Variants in TBC1D30 observed in about 807,000 individuals in gnomAD.
TBC1D30 encodes the protein TBC1 domain family, member 30.
Under a neutral mutation model 63.2 loss-of-function variants are expected in TBC1D30, and 31 were observed. The observed-to-expected ratio is 0.49, with a 90% confidence interval of 0.37 to 0.66. The LOEUF (loss-of-function observed/expected upper bound fraction) is 0.66, where lower values mean the gene tolerates loss of function less well. TBC1D30 is among the 30% of genes least tolerant of loss of function. TBC1D30 has a pLI of 0.00. For synonymous variants in TBC1D30, 307 were observed against 361.5 expected (o/e 0.85, Z 1.71); for missense variants, 810 against 953.6 (o/e 0.85, Z 1.98).
At chr12:64,863,775 C>G (rs1877986665) in intron 8 of TBC1D30, among the ~76,000 whole-genome samples, 1 of 152,174 alleles carries the variant, frequency 6.6e-6, no homozygotes, top group African/African-American at 2.4e-5. Flanking sequence ...TAGACATCTT[C>G]TAAGCCTTCA....
intron 8 of TBC1D30, among the ~76,000 whole-genome samples, chr12:64,848,495 G>A (rs1268628695): frequency 1.3e-5 from 2 of 151,946 alleles, no homozygotes; most frequent in Non-Finnish European, 2.9e-5. Flanking sequence ...TCATTGTTCA[G>A]CTCCCACTTA....
At chr12:64,871,408 G>C (rs1878646637) in intron 11 of TBC1D30, among the ~76,000 whole-genome samples, 1 of 152,060 alleles carries the variant, frequency 6.6e-6, no homozygotes, top group African/African-American at 2.4e-5. Flanking sequence ...CTGCTTTATT[G>C]TTTAATATAT....
At chr12:64,825,111 C>G in intron 1 of TBC1D30, 78 bp downstream of exon 1, 2 of 1,457,036 alleles carry the variant, frequency 1.4e-6, no homozygotes, top group Non-Finnish European at 1.8e-6. Context: ...AGCCTGACTC[C>G]GTCTAGGCCG....
At chr12:64,865,386 T>A (rs1316111154) in intron 9 of TBC1D30, among the ~76,000 whole-genome samples, 1 of 151,444 alleles carries the variant, frequency 6.6e-6, no homozygotes, top group Non-Finnish European at 1.5e-5. Flanking sequence ...ACTCAAAATT[T>A]AAAAAAAGGG....
intron 9 of TBC1D30, among the ~76,000 whole-genome samples, chr12:64,866,500 G>A (rs767273647): frequency 1.4e-4 from 22 of 151,778 alleles, no homozygotes; most frequent in Admixed American, 3.3e-4. Context: ...ATGCAGTGAC[G>A]TGATTTGGCT....
chr12:64,871,760 T>C (rs895034673), intron 11 of TBC1D30, among the ~76,000 whole-genome samples: 1 of 152,226 alleles, frequency 6.6e-6, no homozygotes, highest in Non-Finnish European at 1.5e-5. Context: ...TTCTTCCAAA[T>C]AGTGAGGAAA....
intron 2 of TBC1D30, among the ~76,000 whole-genome samples, chr12:64,806,428 A>T (rs76745796): frequency 9.5e-4 from 144 of 152,320 alleles, no homozygotes; most frequent in African/African-American, 3.2e-3. Context: ...CATTTTACAG[A>T]TGAGGAGATT....
chr12:64,805,701 C>T (rs562295243), intron 2 of TBC1D30, among the ~76,000 whole-genome samples: 2 of 151,922 alleles, frequency 1.3e-5, no homozygotes, highest in African/African-American at 2.4e-5. Flanking sequence ...GGCGTGGTGG[C>T]GGGCACCTGT....
chr12:64,770,250 T>C (rs1056014584), intron 1 of TBC1D30, among the ~76,000 whole-genome samples: 1 of 152,136 alleles, frequency 6.6e-6, no homozygotes, highest in East Asian at 1.9e-4. Flanking sequence ...TTCCCTGATA[T>C]GGTTTATTAC....
At chr12:64,777,703 A>G (rs888373082), upstream of TBC1D30, among the ~76,000 whole-genome samples, 11 of 152,256 alleles carry the variant, frequency 7.2e-5, no homozygotes, top group South Asian at 2.1e-4. Context: ...TATAGATTCA[A>G]TGCTTTTCCC....
At position 64,878,391 on chromosome 12, in the gene TBC1D30, T is replaced by A. The variant is rs893453865; in HGVS notation, c.*2603T>A. On this transcript the variant is annotated 3_prime_UTR_variant, in exon 12 of 12. Coordinates refer to ENST00000539867, the MANE Select transcript of TBC1D30 (RefSeq NM_015279.2). ...AACACCAGAAGTACTTAACAAGTAG[T>A]GGTTTCTTGATTTTTAGATATGTCT... The A allele has an allele frequency of 2.2e-6, 1 of 455,836 alleles. No individual in the cohort carries two copies. The highest frequency in any genetic ancestry group is 7.0e-5 in the East Asian group (1 of 14,388). 28.2% of individuals were successfully genotyped at this position (455,836 alleles called of 1,614,324 possible). A position where few individuals can be genotyped will look rare whatever the true frequency, so the allele number is the denominator to read the frequency against.
At position 64,764,536 on chromosome 12, in the gene TBC1D30, A is replaced by G. The variant is rs535254724; in HGVS notation, c.-376+4887A>G. Among the ~76,000 whole-genome samples the G allele has an allele frequency of 1.4e-4, 21 of 152,370 alleles. 1 individual carries two copies. In the South Asian group the frequency reaches 4.1e-3, roughly 30 times the overall value. On this transcript the variant is annotated intron_variant, in intron 1 of 13. Coordinates refer to the TBC1D30 transcript ENST00000674237. ...AAAACAGGGCAATATAGATGCCTTTATACAAGTGACAATAGTGAAGGACTG... is the reference window on the plus strand; with the variant it reads ...AAAACAGGGCAATATAGATGCCTTTGTACAAGTGACAATAGTGAAGGACTG...
chr12:64,792,658 C>G (rs1023087185), intron 2 of TBC1D30, among the ~76,000 whole-genome samples: 5 of 152,186 alleles, frequency 3.3e-5, no homozygotes, highest in African/African-American at 1.2e-4. Context: ...CAACCTCTGT[C>G]TCCCGAGTTC....
In TBC1D30 at chr12:64,759,652, A is replaced by G. The variant is rs1431923963; in HGVS notation, c.-376+3A>G. ...GAACCGGGAAAAGGTCAAGACCTGT[A>G]CGTACCTCTCGCGCAGGCTCGGGTT... is the stretch of plus-strand genomic sequence containing the variant. On this transcript the variant is annotated splice_donor_region_variant and intron_variant, in intron 1 of 13. Coordinates refer to the TBC1D30 transcript ENST00000674237. 1.3e-5 allele frequency: 3 copies of G among 234,740 alleles called. No homozygotes were observed. The East Asian group carries it at 2.8e-4, about 22-fold the overall frequency. The allele number at this position is 234,740 out of a possible 1,614,324, so 14.5% of individuals were successfully genotyped here. A position where few individuals can be genotyped will look rare whatever the true frequency, so the allele number is the denominator to read the frequency against.
At chr12:64,778,549 CTTTTT>C (rs34519163), upstream of TBC1D30, among the ~76,000 whole-genome samples, 2 of 78,828 alleles carry the variant, frequency 2.5e-5, no homozygotes, top group African/African-American at 5.4e-5. Flanking sequence ...ACAGAGAAGC[CTTTTT>C]TTTTTTTTTT....
intron 1 of TBC1D30, among the ~76,000 whole-genome samples, chr12:64,762,509 G>A (rs1457914855): frequency 6.6e-6 from 1 of 152,128 alleles, no homozygotes; most frequent in Non-Finnish European, 1.5e-5. Context: ...TGCATTTGGC[G>A]AGTGGAGGCT....
intron 2 of TBC1D30, among the ~76,000 whole-genome samples, chr12:64,793,050 A>G (rs1302860537): frequency 6.6e-6 from 1 of 152,140 alleles, no homozygotes; most frequent in African/African-American, 2.4e-5. Context: ...AAAAATAAAG[A>G]GCAAGCTCGC....
chr12:64,852,563 G>A (rs115265969), intron 8 of TBC1D30, among the ~76,000 whole-genome samples: 70 of 152,218 alleles, frequency 4.6e-4, no homozygotes, highest in African/African-American at 1.6e-3. Flanking sequence ...AGAAAAAGAG[G>A]CGTTCTGGTT....
intron 2 of TBC1D30, among the ~76,000 whole-genome samples, chr12:64,812,632 TA>T (rs1192320513): frequency 1.3e-5 from 2 of 151,982 alleles, no homozygotes; most frequent in African/African-American, 2.4e-5. Flanking sequence ...TGGTAAACTT[TA>T]AAAAAAATGG....
Sources: gnomAD v4.1 joint callset for allele counts (sites outside exome capture counted in the v4.1 genomes callset) on GRCh38, gnomAD v4.1.1 for gene constraint, MANE v1.5 for transcripts, NCBI Gene and HGNC (gene_info 2026-07-23, HGNC 2026-07-21) for gene names.